The following PTGR3 variants were observed in gnomAD, a reference collection of about 807,000 sequenced individuals.
The protein encoded by PTGR3 is prostaglandin reductase 3, also known as zinc binding alcohol dehydrogenase domain containing 2.
chr18:75,201,459 T>C, the PTGR3 span: 2 of 1,613,244 alleles, frequency 1.2e-6, no homozygotes, highest in Non-Finnish European at 1.7e-6. Flanking sequence ...AACTACAATT[T>C]TTCCAGTGTT....
At chr18:75,206,789 G>GA in the PTGR3 span, among the ~76,000 whole-genome samples, 2 of 152,192 alleles carry the variant, frequency 1.3e-5, no homozygotes, top group Non-Finnish European at 2.9e-5. Context: ...TGTGTGCAGG[G>GA]AAAAAAGAGG....
chr18:75,208,979 G>C, the PTGR3 span: 5 of 1,594,642 alleles, frequency 3.1e-6, no homozygotes, highest in South Asian at 5.7e-5. Flanking sequence ...GGGAATGGCG[G>C]AGCCCTGGAA....
chr18:75,207,000 G>A, the PTGR3 span, among the ~76,000 whole-genome samples: 12 of 152,306 alleles, frequency 7.9e-5, no homozygotes, highest in African/African-American at 2.6e-4. Flanking sequence ...GGGAAAGGGA[G>A]GGGTCCCAGG....
the PTGR3 span, chr18:75,205,414 C>G: frequency 6.1e-6 from 6 of 984,978 alleles, no homozygotes; most frequent in Non-Finnish European, 6.0e-6. Flanking sequence ...ATGCAGTGAG[C>G]GCAGGATTCT....
the PTGR3 span, chr18:75,208,338 G>C: frequency 1.0e-6 from 1 of 986,428 alleles, no homozygotes; most frequent in African/African-American, 1.7e-5. Context: ...GACAGGCTCC[G>C]CCACTGCGAG....
the PTGR3 span, among the ~76,000 whole-genome samples, chr18:75,206,962 C>G: frequency 2.0e-5 from 3 of 152,286 alleles, no homozygotes; most frequent in East Asian, 5.8e-4. Flanking sequence ...GCCTCTCTCC[C>G]CAGGGGAGAA....
chr18:75,205,812 A>T, the PTGR3 span, among the ~76,000 whole-genome samples: 1 of 127,214 alleles, frequency 7.9e-6, no homozygotes, highest in South Asian at 2.8e-4. Context: ...AGCGGGGGGG[A>T]GGGGGTGGGA....
the PTGR3 span, chr18:75,205,510 A>G: frequency 1.0e-6 from 1 of 984,390 alleles, no homozygotes; most frequent in Non-Finnish European, 1.2e-6. Flanking sequence ...GCATTCTCCA[A>G]ATCTGTACCC....
At chr18:75,196,653 A>G in the PTGR3 span, 1 of 150,752 alleles carries the variant, frequency 6.6e-6, no homozygotes, top group Non-Finnish European at 1.5e-5. Flanking sequence ...AAAAAAAAAA[A>G]AAAAGTCTGT....
chr18:75,205,599 G>A, the PTGR3 span: 1 of 610,438 alleles, frequency 1.6e-6, no homozygotes, highest in Non-Finnish European at 2.1e-6. Flanking sequence ...GAGCGATCCT[G>A]CGCAGGGGAG....
At chr18:75,208,793 C>G in the PTGR3 span, 44 of 1,331,520 alleles carry the variant, frequency 3.3e-5, no homozygotes, top group Non-Finnish European at 4.1e-5. Context: ...AGCGGCGCGG[C>G]GCGGCGCGAG....
At chr18:75,202,466 A>T in the PTGR3 span, 1 of 736,124 alleles carries the variant, frequency 1.4e-6, no homozygotes, top group Admixed American at 3.0e-5. Context: ...AATCTGATCG[A>T]ATTTGAGAAA....
the PTGR3 span, chr18:75,198,794 C>T: frequency 2.0e-5 from 3 of 152,194 alleles, no homozygotes; most frequent in Admixed American, 6.5e-5. Context: ...ATTGTTCCAC[C>T]CTGGCCCCTT....
At chr18:75,195,666 A>C in the PTGR3 span, 3 of 152,216 alleles carry the variant, frequency 2.0e-5, no homozygotes, top group African/African-American at 7.2e-5. Flanking sequence ...TAATCCCAGC[A>C]CTTTGGATGG....
chr18:75,208,857 G>A, the PTGR3 span: 24 of 1,509,864 alleles, frequency 1.6e-5, no homozygotes, highest in Admixed American at 2.2e-5. Context: ...CACCGGTTCC[G>A]GACGAGGAGG....
the PTGR3 span, chr18:75,208,876 CCCGGGGAGCGGCA>C: frequency 1.3e-6 from 2 of 1,538,000 alleles, no homozygotes; most frequent in Non-Finnish European, 1.7e-6. Context: ...GGTCTCCGTC[CCCGGGGAGCGGCA>C]CCGGGCAGTC....
chr18:75,208,765 C>A, the PTGR3 span: 2 of 1,204,864 alleles, frequency 1.7e-6, no homozygotes, highest in South Asian at 6.1e-5. Context: ...GGCACGCGGG[C>A]GGGCTGGGGA....
the PTGR3 span, among the ~76,000 whole-genome samples, chr18:75,203,913 C>T: frequency 6.6e-6 from 1 of 152,214 alleles, no homozygotes; most frequent in Non-Finnish European, 1.5e-5. Context: ...AGCTGGAGCC[C>T]GTCTCAGTGC....
chr18:75,201,872 A>G, the PTGR3 span: 1 of 1,614,214 alleles, frequency 6.2e-7, no homozygotes, highest in Non-Finnish European at 8.5e-7. Context: ...CTACGGGTTC[A>G]GTTTTATAGT....
Sources: allele counts gnomAD v4.1 joint callset (sites outside exome capture counted in the v4.1 genomes callset), GRCh38; gene constraint gnomAD v4.1.1; transcripts MANE v1.5; gene names NCBI Gene and HGNC (gene_info 2026-07-23, HGNC 2026-07-21).